CFAP97: variants seen among roughly 807,000 people sequenced by gnomAD.
The protein encoded by CFAP97 is cilia and flagella associated protein 97, also known as cilia- and flagella-associated protein 97.
CFAP97 carries 36 observed loss-of-function variants against 43.1 expected under a neutral mutation model. The ratio of observed to expected loss-of-function variants is 0.84; its 90% CI spans 0.64 to 1.10. CFAP97 has a LOEUF of 1.10. Among genes scored for constraint, CFAP97 ranks in the 50% least tolerant of loss-of-function variants. The probability of loss-of-function intolerance (pLI) is 0.00; values close to 1 mark genes in which losing one functional copy is unlikely to be tolerated. For synonymous variants in CFAP97, 228 were observed against 225.7 expected, an observed-to-expected ratio of 1.01 and a Z score of -0.09; for missense variants, 657 against 620.3, an observed-to-expected ratio of 1.06 and a Z score of -0.63.
intron 1 of CFAP97, among the ~76,000 whole-genome samples, chr4:185,196,397 CT>C (rs572071587): frequency 2.0e-5 from 3 of 151,512 alleles, no homozygotes; most frequent in Non-Finnish European, 2.9e-5. Context: ...TCACTTGAAC[CT>C]GGCAGGCGGA....
chr4:185,163,555 G>T (rs1162136981), intron 4 of CFAP97, among the ~76,000 whole-genome samples: 1 of 151,806 alleles, frequency 6.6e-6, no homozygotes. Flanking sequence ...GTCTGTAACT[G>T]ATCACACAAC....
upstream of CFAP97, among the ~76,000 whole-genome samples, chr4:185,206,029 T>C (rs1044217688): frequency 1.6e-4 from 24 of 152,294 alleles, no homozygotes; most frequent in African/African-American, 5.8e-4. Context: ...GGCAAGAATG[T>C]GGAAAGATCG....
At position 185,190,345 on chromosome 4, in the gene CFAP97, T is replaced by C; in HGVS notation, c.852A>G (p.Gln284=). 1 of 1,604,472 alleles carries C rather than the reference T, an allele frequency of 6.2e-7. No individual in the cohort carries two copies. The highest frequency in any genetic ancestry group is 8.5e-7 in the Non-Finnish European group (1 of 1,174,428). ...CATATATTTCTTGGCTCACATTTTC[T>C]TGCTTTTTAATTTTCACTTTTTGAT... ...ANDQKVKIKK[Q]ENVSQEIYED... The change falls in exon 2 of 5, where the codon CAA becomes CAG. Residue 284 remains glutamine, a synonymous_variant. Coordinates refer to ENST00000458385, the MANE Select transcript of CFAP97 (RefSeq NM_020827.3).
upstream of CFAP97, among the ~76,000 whole-genome samples, chr4:185,206,004 T>C (rs1324480809): frequency 6.6e-6 from 1 of 152,016 alleles, no homozygotes; most frequent in African/African-American, 2.4e-5. Flanking sequence ...GTCAAAAAAA[T>C]AGAAAATAAG....
chr4:185,204,754 T>C (rs980533436), upstream of CFAP97, among the ~76,000 whole-genome samples: 1 of 152,196 alleles, frequency 6.6e-6, no homozygotes, highest in Non-Finnish European at 1.5e-5. Flanking sequence ...TAGTGGGAGC[T>C]GTGAGCACAG....
intron 2 of CFAP97, among the ~76,000 whole-genome samples, chr4:185,177,874 G>A (rs6833017): frequency 1 from 151,958 of 152,262 alleles, 75,828 homozygotes; most frequent in Middle Eastern, 1. Flanking sequence ...AATAAATAAA[G>A]TAAGTATGGT....
At chr4:185,164,599 CT>C (rs1314493274) in intron 3 of CFAP97, among the ~76,000 whole-genome samples, 1 of 152,132 alleles carries the variant, frequency 6.6e-6, no homozygotes, top group East Asian at 1.9e-4. Context: ...AGTAAAGCCC[CT>C]TCCTCATCTC....
rs558787472 is a variant in CFAP97 at position 185,190,604 on chromosome 4, G to A, written c.593C>T (p.Ser198Phe). ...TGACTTAGATGACGGAGACGAATCA[G>A]ATAGATGGCTATCAGACCCTGCATC... Reference protein sequence around the residue: ...CLDAGSDSHLSDSSPSSKSSK... With the variant: ...CLDAGSDSHLFDSSPSSKSSK... Residue 198 changes from serine (S) to phenylalanine (F), a missense_variant, in exon 2 of 5, where the codon TCT becomes TTT. By Grantham distance (155) the Ser-to-Phe change is radical. Transcript: ENST00000458385. 4.3e-6 allele frequency: 7 copies of A among 1,609,416 alleles called. No homozygotes were observed. The highest frequency in any genetic ancestry group is 5.9e-6 in the Non-Finnish European group (7 of 1,177,546).
At chr4:185,175,238 TTCTCTCTC>T (rs10638706) in intron 3 of CFAP97, among the ~76,000 whole-genome samples, 2 of 149,058 alleles carry the variant, frequency 1.3e-5, no homozygotes, top group Non-Finnish European at 3.0e-5. Flanking sequence ...AATGGTCTCC[TTCTCTCTC>T]TCTCTCTCTC....
Position 185,181,089 on chromosome 4 carries a change from CTT to C in CFAP97, c.1055-5040_1055-5039del, listed in dbSNP as rs976697487. On this transcript the variant is annotated intron_variant, in intron 2 of 4. Coordinates refer to ENST00000458385, the MANE Select transcript of CFAP97 (RefSeq NM_020827.3). ...TGGCTTAAAACCTTGTCTCTGCAGACTTTTGTCTGCAGACAAAATACTCTAAA... is the reference window on the plus strand; with the variant it reads ...TGGCTTAAAACCTTGTCTCTGCAGACTTGTCTGCAGACAAAATACTCTAAA... 4.0e-5 allele frequency among the ~76,000 whole-genome samples: 6 copies of C among 151,560 alleles called. 1 individual carries two copies. Among genetic ancestry groups the C allele is most frequent in the African/African-American group, 1.5e-4 (6 of 41,182 alleles).
chr4:185,195,594 C>T (rs1050552007), intron 1 of CFAP97, among the ~76,000 whole-genome samples: 3 of 152,080 alleles, frequency 2.0e-5, no homozygotes, highest in African/African-American at 7.3e-5. Context: ...AGTTATAGAA[C>T]ATGGATTGGA....
At chr4:185,172,628 T>C (rs1367758879) in intron 3 of CFAP97, among the ~76,000 whole-genome samples, 1 of 152,182 alleles carries the variant, frequency 6.6e-6, no homozygotes, top group East Asian at 1.9e-4. Context: ...TTTTGCAGTA[T>C]ATCTGACACT....
At chr4:185,193,898 A>AAATAAATAAATAAATG (rs1413421904) in intron 1 of CFAP97, among the ~76,000 whole-genome samples, 1 of 152,106 alleles carries the variant, frequency 6.6e-6, no homozygotes, top group East Asian at 1.9e-4. Flanking sequence ...ATAAATAAAT[A>AAATAAATAAATAAATG]AATAAATAAA....
At chr4:185,183,273 G>A (rs1000783296) in intron 2 of CFAP97, among the ~76,000 whole-genome samples, 5 of 152,230 alleles carry the variant, frequency 3.3e-5, no homozygotes, top group African/African-American at 4.8e-5. Context: ...ACTGAAGTCC[G>A]TGAAAATGTT....
intron 2 of CFAP97, among the ~76,000 whole-genome samples, chr4:185,177,589 C>T (rs1735603131): frequency 6.6e-6 from 1 of 152,154 alleles, no homozygotes; most frequent in South Asian, 2.1e-4. Flanking sequence ...AATCCCAGCA[C>T]TCTGGAAGGC....
intron 1 of CFAP97, among the ~76,000 whole-genome samples, chr4:185,202,528 A>G (rs1205546093): frequency 6.6e-6 from 1 of 151,772 alleles, no homozygotes; most frequent in Non-Finnish European, 1.5e-5. Context: ...AGCCTAGGCA[A>G]CAGAGTGAGA....
intron 2 of CFAP97, among the ~76,000 whole-genome samples, chr4:185,177,779 G>A (rs978363868): frequency 1.3e-5 from 2 of 152,180 alleles, no homozygotes; most frequent in Non-Finnish European, 2.9e-5. Flanking sequence ...AGGTTGCAGT[G>A]AGCGGAGATC....
chr4:185,169,774 C>T (rs188537367), intron 3 of CFAP97: 654 of 985,404 alleles, frequency 6.6e-4, no homozygotes, highest in Admixed American at 8.0e-4. Context: ...AACTGTCCCC[C>T]ACACAGGCAG....
chr4:185,192,696 C>CTTGACCTTT (rs888528810), intron 1 of CFAP97, among the ~76,000 whole-genome samples: 2 of 146,982 alleles, frequency 1.4e-5, no homozygotes, highest in African/African-American at 5.1e-5. Flanking sequence ...TAAGATCAGA[C>CTTGACCTTT]TTGACCTTTG....
Sources: allele counts gnomAD v4.1 joint callset (sites outside exome capture counted in the v4.1 genomes callset), GRCh38; gene constraint gnomAD v4.1.1; transcripts MANE v1.5; gene names NCBI Gene and HGNC (gene_info 2026-07-23, HGNC 2026-07-21).